The following ANKFN1 variants were observed in gnomAD, a reference collection of about 807,000 sequenced individuals.
The protein encoded by ANKFN1 is ankyrin repeat and fibronectin type III domain containing 1.
A neutral mutation model predicts 108.7 loss-of-function variants in ANKFN1; 74 were observed. The observed-to-expected ratio is 0.68, with a 90% CI of 0.56 to 0.83. ANKFN1 has a LOEUF of 0.83. Ranked by LOEUF, ANKFN1 falls within the 40% of genes least tolerant of loss-of-function variation. The pLI is 0.00. For missense variants in ANKFN1, 1,505 were observed against 1,382.3 expected, an observed-to-expected ratio of 1.09 and a Z score of -1.41; for synonymous variants, 547 against 516.2, an observed-to-expected ratio of 1.06 and a Z score of -0.81.
chr17:56,332,255 C>G (rs969199553), intron 4 of ANKFN1, among the ~76,000 whole-genome samples: 1 of 152,128 alleles, frequency 6.6e-6, no homozygotes, highest in African/African-American at 2.4e-5. Flanking sequence ...AATCGAGGCT[C>G]TCTGCTTATG....
intron 1 of ANKFN1, among the ~76,000 whole-genome samples, chr17:56,179,883 G>T (rs1360903055): frequency 6.6e-6 from 1 of 152,156 alleles, no homozygotes; most frequent in Non-Finnish European, 1.5e-5. Context: ...TCTTTAAGCT[G>T]ACTTTGATTC....
rs148466991 is a variant in ANKFN1 at position 56,349,200 on chromosome 17, A to G, written c.189-1566A>G. ...GATGAGAACACATGGACACATGGCGAGGAACAACACATACTGGGTCCTGTC... is the reference window on the plus strand; with the variant it reads ...GATGAGAACACATGGACACATGGCGGGGAACAACACATACTGGGTCCTGTC... On this transcript the variant is annotated intron_variant, in intron 4 of 20. Coordinates refer to ENST00000682825, the MANE Select transcript of ANKFN1 (RefSeq NM_001370326.1). 2.7e-3 allele frequency among the ~76,000 whole-genome samples: 417 copies of G among 152,208 alleles called. 2 individuals are homozygous for G. Among genetic ancestry groups the G allele is most frequent in the African/African-American group, 9.7e-3 (401 of 41,552 alleles).
chr17:56,389,226 T>A (rs2047362038), intron 8 of ANKFN1, among the ~76,000 whole-genome samples: 1 of 152,122 alleles, frequency 6.6e-6, no homozygotes, highest in African/African-American at 2.4e-5. Flanking sequence ...ACTCAGCAAC[T>A]AAAAAACCAA....
At chr17:56,049,613 T>A (rs1904739752) in intron 4 of ANKFN1, among the ~76,000 whole-genome samples, 1 of 151,412 alleles carries the variant, frequency 6.6e-6, no homozygotes. Context: ...CATAGTTCAA[T>A]TCCCACCTAT....
intron 2 of ANKFN1, among the ~76,000 whole-genome samples, chr17:56,221,595 A>C (rs1915897709): frequency 6.6e-6 from 1 of 152,246 alleles, no homozygotes; most frequent in Admixed American, 6.5e-5. Flanking sequence ...TCTTATAGCA[A>C]TCAAGATATA....
chr17:56,258,636 C>G (rs1015590916), intron 3 of ANKFN1, among the ~76,000 whole-genome samples: 1 of 152,136 alleles, frequency 6.6e-6, no homozygotes, highest in Non-Finnish European at 1.5e-5. Context: ...AGAGGTCAGG[C>G]GCGGTGGCTC....
At chr17:56,278,897 T>C (rs1196112785) in intron 3 of ANKFN1, among the ~76,000 whole-genome samples, 2 of 152,234 alleles carry the variant, frequency 1.3e-5, no homozygotes, top group South Asian at 2.1e-4. Flanking sequence ...TTGAAAGATG[T>C]ACAACATGAA....
intron 4 of ANKFN1, among the ~76,000 whole-genome samples, chr17:56,117,943 G>T (rs1567791913): frequency 2.0e-5 from 3 of 152,096 alleles, no homozygotes; most frequent in Admixed American, 1.3e-4. Context: ...GATTCTATAG[G>T]TTTGCCCATT....
At chr17:56,209,235 C>A (rs1217313606) in intron 1 of ANKFN1, among the ~76,000 whole-genome samples, 3 of 152,102 alleles carry the variant, frequency 2.0e-5, no homozygotes, top group Non-Finnish European at 4.4e-5. Context: ...CCTCTCTGAG[C>A]AAATTTACCC....
chr17:56,188,563 A>G (rs57349903), intron 1 of ANKFN1, among the ~76,000 whole-genome samples: 38,128 of 88,384 alleles, frequency 0.43, 9,107 homozygotes, highest in African/African-American at 0.67. Flanking sequence ...GTGTGTGTGT[A>G]TGTGTGTGTG....
At chr17:56,094,675 G>GT (rs537728223) in intron 4 of ANKFN1, among the ~76,000 whole-genome samples, 9,633 of 75,102 alleles carry the variant, frequency 0.13, 1,106 homozygotes, top group African/African-American at 0.31. Context: ...AGCTAATTGG[G>GT]TTTTTTTTTT....
intron 1 of ANKFN1, among the ~76,000 whole-genome samples, chr17:56,208,265 C>A (rs889526851): frequency 6.6e-6 from 1 of 152,220 alleles, no homozygotes; most frequent in South Asian, 2.1e-4. Flanking sequence ...AGGTGATCCA[C>A]CTGCCTTGGC....
Position 56,484,666 on chromosome 17 carries a change from G to A in ANKFN1, c.2260+2142G>A, listed in dbSNP as rs577385751. Among the ~76,000 whole-genome samples, 21 of 152,290 alleles carry A rather than the reference G, an allele frequency of 1.4e-4. 2 individuals are homozygous for A. The highest frequency in any genetic ancestry group is 4.6e-4 in the African/African-American group (19 of 41,554). ...AGAGAAATTGGATACTAAACACAGA[G>A]ATCTGTCCAGTGTCTATTAATAACA... is the stretch of plus-strand genomic sequence containing the variant. On this transcript the variant is annotated intron_variant, in intron 18 of 20. Coordinates refer to ENST00000682825, the MANE Select transcript of ANKFN1 (RefSeq NM_001370326.1).
rs565860855 is a variant in ANKFN1, at chr17:56,276,656, A to C, written c.53+48699A>C. Among the ~76,000 whole-genome samples, 4 of 152,274 alleles carry C rather than the reference A, an allele frequency of 2.6e-5. No homozygotes were observed. In the South Asian group the frequency reaches 8.3e-4, roughly 32 times the overall value. Reference sequence around the variant, plus strand: ...TTGGCTGCATAAATGTCTTCTTTTGAGAAGTGTCTGTTCATATCCTTTGCC... The same window carrying C: ...TTGGCTGCATAAATGTCTTCTTTTGCGAAGTGTCTGTTCATATCCTTTGCC... On this transcript the variant is annotated intron_variant, in intron 3 of 20. Coordinates refer to ENST00000682825, the MANE Select transcript of ANKFN1 (RefSeq NM_001370326.1).
intron 4 of ANKFN1, among the ~76,000 whole-genome samples, chr17:56,144,181 A>C (rs147045204): frequency 6.6e-4 from 45 of 68,404 alleles, no homozygotes; most frequent in East Asian, 4.2e-3. Context: ...AAAAAAAAAA[A>C]AAAACAGCCC....
chr17:56,183,437 T>C (rs540548937), intron 1 of ANKFN1, among the ~76,000 whole-genome samples: 54 of 152,288 alleles, frequency 3.5e-4, no homozygotes, highest in African/African-American at 1.3e-3. Flanking sequence ...TGGAGCTTAG[T>C]GGGAGGTGAT....
chr17:56,223,727 C>T (rs989603216), intron 2 of ANKFN1, among the ~76,000 whole-genome samples: 4 of 152,192 alleles, frequency 2.6e-5, no homozygotes, highest in East Asian at 3.9e-4. Flanking sequence ...GAGGTCATGT[C>T]CCCCGATTAT....
chr17:56,410,683 C>T lies in ANKFN1; in HGVS notation c.911-29644C>T, dbSNP rs1471164800. Among the ~76,000 whole-genome samples, 4 of 152,144 alleles carry T rather than the reference C, an allele frequency of 2.6e-5. No homozygotes were observed. The East Asian group carries it at 7.7e-4, about 29-fold the overall frequency. ...CATCCTTTGATCAACATCTCCCTTT[C>T]CCCATCTCTCCATCTCCAGCCCCCA... On this transcript the variant is annotated intron_variant, in intron 8 of 20. Coordinates refer to ENST00000682825, the MANE Select transcript of ANKFN1 (RefSeq NM_001370326.1).
chr17:56,062,180 C>T (rs547758366), intron 4 of ANKFN1, among the ~76,000 whole-genome samples: 78 of 152,084 alleles, frequency 5.1e-4, no homozygotes, highest in South Asian at 6.2e-4. Context: ...AAAAGTGCCA[C>T]GTAACATTAA....
Sources: gnomAD v4.1 joint callset for allele counts (sites outside exome capture counted in the v4.1 genomes callset) on GRCh38, gnomAD v4.1.1 for gene constraint, MANE v1.5 for transcripts, NCBI Gene and HGNC (gene_info 2026-07-23, HGNC 2026-07-21) for gene names.